PATJ: variants seen among roughly 807,000 people sequenced by gnomAD.
The protein encoded by PATJ is inaD-like protein.
Under a neutral mutation model 224.9 loss-of-function variants are expected in PATJ, and 190 were observed. That is an observed-to-expected ratio of 0.84 (90% CI 0.75 to 0.95). The LOEUF (loss-of-function observed/expected upper bound fraction) is 0.95, where lower values mean the gene tolerates loss of function less well. Ranked by LOEUF, PATJ falls within the 40% of genes least tolerant of loss-of-function variation. The pLI, the probability that PATJ is intolerant of heterozygous loss-of-function variation, is 0.00. For missense variants in PATJ, 2,121 were observed against 2,270.3 expected (o/e 0.93, Z 1.34); for synonymous variants, 769 against 820.3 (o/e 0.94, Z 1.07).
intron 1 of PATJ, among the ~76,000 whole-genome samples, chr1:61,743,394 C>G (rs1644862100): frequency 6.6e-6 from 1 of 152,214 alleles, no homozygotes; most frequent in African/African-American, 2.4e-5. Context: ...GCTCTTGTCA[C>G]TTTGAATTCC....
At chr1:61,772,583 ACTGT>A (rs1418487077) in intron 6 of PATJ, among the ~76,000 whole-genome samples, 2 of 152,240 alleles carry the variant, frequency 1.3e-5, no homozygotes, top group Admixed American at 1.3e-4. Context: ...AAAAAATAAG[ACTGT>A]CTCAGTACAA....
intron 27 of PATJ, among the ~76,000 whole-genome samples, chr1:61,943,092 A>T (rs72676275): frequency 6.6e-6 from 1 of 152,182 alleles, no homozygotes; most frequent in African/African-American, 2.4e-5. Context: ...AAGGAGTTCA[A>T]TGCTGCTACA....
chr1:61,866,190 A>G lies in PATJ; in HGVS notation c.2835+1557A>G, dbSNP rs573981019. Among the ~76,000 whole-genome samples, 16 of 152,310 alleles carry G rather than the reference A, an allele frequency of 1.1e-4. 1 individual carries two copies. The East Asian group carries it at 3.1e-3, about 29-fold the overall frequency. On this transcript the variant is annotated intron_variant, in intron 20 of 43. Transcript: ENST00000642238. ...TATTCAGTTATATGAATCAAATTGG[A>G]AAGATTACTGAATATTCATAAAAAT...
At chr1:61,757,139 A>G (rs1645695359) in intron 1 of PATJ, among the ~76,000 whole-genome samples, 1 of 141,006 alleles carries the variant, frequency 7.1e-6, no homozygotes, top group Non-Finnish European at 1.5e-5. Flanking sequence ...TAGTGCAATC[A>G]TGGTTCACTG....
chr1:61,903,980 G>A (rs986864254), intron 24 of PATJ, among the ~76,000 whole-genome samples: 1 of 151,928 alleles, frequency 6.6e-6, no homozygotes, highest in Admixed American at 6.6e-5. Context: ...TGCCATGTTG[G>A]TCAGGCTGAT....
intron 33 of PATJ, among the ~76,000 whole-genome samples, chr1:62,102,042 G>A (rs1438152573): frequency 2.0e-5 from 3 of 152,070 alleles, no homozygotes; most frequent in African/African-American, 4.8e-5. Flanking sequence ...AGCGGAGCAT[G>A]GTGACATGTG....
intron 1 of PATJ, among the ~76,000 whole-genome samples, chr1:61,756,761 G>T (rs1469965391): frequency 6.6e-6 from 1 of 151,818 alleles, no homozygotes; most frequent in South Asian, 2.1e-4. Context: ...TATATTTTTA[G>T]TAGAGATGAG....
chr1:61,983,488 G>A (rs988454362), intron 27 of PATJ, among the ~76,000 whole-genome samples: 1 of 152,070 alleles, frequency 6.6e-6, no homozygotes, highest in African/African-American at 2.4e-5. Flanking sequence ...CAGCTCTAAA[G>A]AGGAAACTTT....
At chr1:61,790,515 G>GTTTTTTTTTT (rs377372844) in intron 8 of PATJ, among the ~76,000 whole-genome samples, 1 of 129,024 alleles carries the variant, frequency 7.8e-6, no homozygotes, top group Non-Finnish European at 1.6e-5. Context: ...TCTTTTTTTT[G>GTTTTTTTTTT]TTTTTTTTTT....
chr1:62,083,632 T>C (rs576027395), intron 32 of PATJ, among the ~76,000 whole-genome samples: 103 of 152,230 alleles, frequency 6.8e-4, no homozygotes, highest in Non-Finnish European at 1.1e-3. Context: ...TTTTCCTCTA[T>C]GAACCCCGCA....
chr1:61,773,657 C>T (rs140695644), intron 6 of PATJ, among the ~76,000 whole-genome samples: 43 of 152,022 alleles, frequency 2.8e-4, no homozygotes, highest in African/African-American at 1.0e-3. Flanking sequence ...CGTGGTGGTG[C>T]ATGCTTGTAA....
In PATJ at chr1:61,990,211, C is replaced by T. The variant is rs759268430; in HGVS notation, c.3714C>T (p.His1238=). 4.3e-6 allele frequency: 7 copies of T among 1,612,794 alleles called. No homozygotes were observed. Among genetic ancestry groups the T allele is most frequent in the Non-Finnish European group, 5.9e-6 (7 of 1,179,570 alleles). The change falls in exon 28 of 44, where the codon CAC becomes CAT. Residue 1238 remains histidine (H), a synonymous_variant. Transcript: ENST00000642238. ...QRYADLPGEL[H]IIELEKDKNG... ...ATGCAGATCTGCCTGGAGAACTGCA[C>T]ATTATTGAACTTGAAAAAGATAAGA...
At chr1:61,807,198 G>C (rs968250643) in intron 13 of PATJ, among the ~76,000 whole-genome samples, 7 of 152,076 alleles carry the variant, frequency 4.6e-5, no homozygotes, top group Non-Finnish European at 7.4e-5. Context: ...TTTTTTGAGA[G>C]ACAGGGTCTT....
chr1:61,824,422 T>C (rs542557718), intron 15 of PATJ, among the ~76,000 whole-genome samples: 200 of 38,352 alleles, frequency 5.2e-3, no homozygotes, highest in African/African-American at 0.012. Context: ...CGTTTTAACC[T>C]TTTTTCCTTT....
At chr1:62,157,901 T>C (rs893522836) in intron 43 of PATJ, among the ~76,000 whole-genome samples, 2 of 147,216 alleles carry the variant, frequency 1.4e-5, no homozygotes, top group African/African-American at 2.5e-5. Flanking sequence ...CAGCTGAATG[T>C]TACCCTAAGC....
At chr1:62,144,290 G>A (rs558393338) in intron 41 of PATJ, among the ~76,000 whole-genome samples, 4 of 151,562 alleles carry the variant, frequency 2.6e-5, no homozygotes, top group Non-Finnish European at 5.9e-5. Context: ...AGAAGATTCT[G>A]TAACTTGGAC....
chr1:61,749,618 G>C (rs1381616621), intron 1 of PATJ, among the ~76,000 whole-genome samples: 1 of 151,912 alleles, frequency 6.6e-6, no homozygotes, highest in Non-Finnish European at 1.5e-5. Context: ...TTACTTAGTT[G>C]TTACAGTGGC....
At chr1:62,135,503 G>A (rs536794960) in intron 41 of PATJ, among the ~76,000 whole-genome samples, 57 of 118,634 alleles carry the variant, frequency 4.8e-4, no homozygotes, top group Non-Finnish European at 5.1e-4. Flanking sequence ...GTGACAGAGC[G>A]AGACTCCGTC....
At chr1:62,111,255 G>A (rs566683335) in intron 34 of PATJ, among the ~76,000 whole-genome samples, 1 of 152,168 alleles carries the variant, frequency 6.6e-6, no homozygotes, top group Admixed American at 6.5e-5. Context: ...AAGTGGTCTT[G>A]TGTGCCATCT....
Sources: allele counts gnomAD v4.1 joint callset (sites outside exome capture counted in the v4.1 genomes callset), GRCh38; gene constraint gnomAD v4.1.1; transcripts MANE v1.5; gene names NCBI Gene and HGNC (gene_info 2026-07-23, HGNC 2026-07-21).